SIPA1L2: variants seen among roughly 807,000 people sequenced by gnomAD.
SIPA1L2 encodes the protein signal-induced proliferation-associated 1-like protein 2.
Under a neutral mutation model 163.9 loss-of-function variants are expected in SIPA1L2, and 56 were observed. The observed-to-expected ratio is 0.34, with a 90% CI of 0.28 to 0.43. The LOEUF is 0.43. Among genes scored for constraint, SIPA1L2 ranks in the 20% least tolerant of loss-of-function variants. SIPA1L2 has a pLI of 1.00. For synonymous variants in SIPA1L2, 877 were observed against 865.7 expected (o/e 1.01, Z -0.23); for missense variants, 1,974 against 2,193.5 (o/e 0.90, Z 2.00).
intron 19 of SIPA1L2, among the ~76,000 whole-genome samples, chr1:232,412,956 A>G (rs1388416075): frequency 2.0e-5 from 3 of 152,186 alleles, no homozygotes; most frequent in Non-Finnish European, 4.4e-5. Context: ...GGCAAATAGA[A>G]TATTACATTA....
intron 22 of SIPA1L2, among the ~76,000 whole-genome samples, chr1:232,402,078 T>C (rs1184607681): frequency 2.0e-5 from 3 of 152,046 alleles, no homozygotes; most frequent in African/African-American, 7.3e-5. Context: ...TCATACAGAG[T>C]TGGCGCAACT....
intron 3 of SIPA1L2, among the ~76,000 whole-genome samples, chr1:232,512,219 A>T (rs1202714715): frequency 6.6e-6 from 1 of 152,236 alleles, no homozygotes; most frequent in Non-Finnish European, 1.5e-5. Context: ...GTCAGGAAAC[A>T]ACAGATGCTG....
intron 2 of SIPA1L2, among the ~76,000 whole-genome samples, chr1:232,564,221 G>GTT (rs796828484): frequency 1.8e-4 from 10 of 56,882 alleles, no homozygotes; most frequent in Non-Finnish European, 1.9e-4. Flanking sequence ...AACGACAAAG[G>GTT]TTTTTTTTTT....
rs974952110 is a variant in SIPA1L2, at chr1:232,404,184, A to G, written c.4763-6T>C. 3 of 1,614,018 alleles carry G rather than the reference A, an allele frequency of 1.9e-6. No homozygotes were observed. Among genetic ancestry groups the G allele is most frequent in the Non-Finnish European group, 1.7e-6 (2 of 1,179,912 alleles). On this transcript the variant is annotated splice_region_variant and splice_polypyrimidine_tract_variant and intron_variant, in intron 19 of 22. Coordinates refer to ENST00000674635, the MANE Select transcript of SIPA1L2 (RefSeq NM_020808.5). ...TTCTTCATCTGAGTCAAGACCTGAA[A>G]TAAGATTTAGAATTTTCCTATGAAC...
chr1:232,575,109 G>C (rs1660009230), intron 1 of SIPA1L2, among the ~76,000 whole-genome samples: 2 of 152,130 alleles, frequency 1.3e-5, no homozygotes, highest in Admixed American at 6.5e-5. Flanking sequence ...AAGCGCCCTA[G>C]GGCTCACACT....
intron 18 of SIPA1L2, among the ~76,000 whole-genome samples, chr1:232,418,271 C>T (rs1420513066): frequency 2.0e-5 from 3 of 152,166 alleles, no homozygotes; most frequent in Non-Finnish European, 4.4e-5. Flanking sequence ...GAGGGGATGG[C>T]GGCCAGTGCC....
intron 2 of SIPA1L2, among the ~76,000 whole-genome samples, chr1:232,559,745 T>A (rs1274317589): frequency 6.6e-6 from 1 of 152,186 alleles, no homozygotes; most frequent in African/African-American, 2.4e-5. Flanking sequence ...TGTAATATAT[T>A]ACTTTTAATA....
intron 10 of SIPA1L2, among the ~76,000 whole-genome samples, chr1:232,452,111 G>A (rs1195838655): frequency 6.6e-6 from 1 of 151,450 alleles, no homozygotes; most frequent in Non-Finnish European, 1.5e-5. Flanking sequence ...TCTAAAAACA[G>A]TATTACTTGT....
chr1:232,403,344 G>A, intron 21 of SIPA1L2, 104 bp downstream of exon 21: 2 of 1,419,852 alleles, frequency 1.4e-6, no homozygotes, highest in Non-Finnish European at 1.9e-6. Context: ...AAAGGGCATG[G>A]TGCAATATGG....
chr1:232,536,486 C>T (rs1003189138), intron 2 of SIPA1L2, among the ~76,000 whole-genome samples: 1 of 152,194 alleles, frequency 6.6e-6, no homozygotes, highest in African/African-American at 2.4e-5. Flanking sequence ...ACTTTCTTCT[C>T]ACCCTGTTTC....
chr1:232,623,482 C>T (rs1281060504), intron 1 of SIPA1L2, among the ~76,000 whole-genome samples: 2 of 152,138 alleles, frequency 1.3e-5, no homozygotes, highest in African/African-American at 2.4e-5. Flanking sequence ...GTGGCAGGCA[C>T]CTGTAGTCCC....
chr1:232,491,055 G>A lies in SIPA1L2; in HGVS notation c.1625C>T (p.Thr542Ile), dbSNP rs761329747. The change falls in exon 5 of 23, where the codon ACA becomes ATA. Residue 542 changes from threonine (T) to isoleucine (I), a missense_variant. By Grantham distance (89) the Thr-to-Ile change is moderately conservative. Coordinates refer to ENST00000674635, the MANE Select transcript of SIPA1L2 (RefSeq NM_020808.5). ...RVAFRTSELTTLRGAILEDAI... is the reference protein window; with the variant it reads ...RVAFRTSELTILRGAILEDAI... ...ATCTTCTAAAATTGCTCCTCTCAGT[G>A]TTGTAAGCTGCAGTGACAAAACATA... 6.2e-7 allele frequency: 1 copy of A among 1,612,748 alleles called. No individual in the cohort carries two copies. Among genetic ancestry groups the A allele is most frequent in the Admixed American group, 1.7e-5 (1 of 59,776 alleles).
chr1:232,439,417 T>C lies in SIPA1L2; in HGVS notation c.3722A>G (p.His1241Arg). The change falls in exon 15 of 23, where the codon CAC (histidine) becomes CGC (arginine). Residue 1241 changes from histidine to arginine, a missense_variant. Around this residue, in one of 3 missense-constraint regions of SIPA1L2, gnomAD observed 1,079 missense variants for 1,150.7 expected, o/e 0.94. Coordinates refer to ENST00000674635, the MANE Select transcript of SIPA1L2 (RefSeq NM_020808.5). The part of the protein sequence containing the change: ...SNTSSNSDDK[H>R]FGSGDLMDPE... The stretch of plus-strand genomic sequence containing the variant: ...GTCCATCAGGTCGCCAGACCCAAAG[T>C]GCTTGTCGTCACTGTTGCTGGAGGT... 1.2e-6 allele frequency: 2 copies of C among 1,614,174 alleles called. No homozygotes were observed. The highest frequency in any genetic ancestry group is 1.7e-6 in the Non-Finnish European group (2 of 1,180,032).
rs376260317 is a variant in SIPA1L2, at chr1:232,465,068, G to A, written c.2592C>T (p.Phe864=). 17 of 1,614,004 alleles carry A rather than the reference G, an allele frequency of 1.1e-5. No individual in the cohort carries two copies. The highest frequency in any genetic ancestry group is 6.6e-5 in the South Asian group (6 of 91,064). ...AIMWHVIARD[F]GQSADIECLL... The stretch of plus-strand genomic sequence containing the variant: ...GACATTCAATGTCAGCAGACTGGCC[G>A]AAGTCCCGGGCTATCACGTGCCACA... The change falls in exon 9 of 23, where the codon TTC becomes TTT. Residue 864 remains phenylalanine, a synonymous_variant. Transcript: ENST00000674635. The surrounding 1 kb of genome is among the most constrained non-coding windows in gnomAD (Gnocchi z 4.1).
chr1:232,460,816 A>G, intron 10 of SIPA1L2, 71 bp downstream of exon 10: 1 of 1,540,586 alleles, frequency 6.5e-7, no homozygotes, highest in Middle Eastern at 1.9e-4. Context: ...ACCTTGCAGG[A>G]GCACTGAGGA....
In SIPA1L2 at chr1:232,491,819, C is replaced by T. The variant is rs553838327; in HGVS notation, c.1618-757G>A. On this transcript the variant is annotated intron_variant, in intron 4 of 22. Transcript: ENST00000674635. ...TGATGGCAGTCATAAGGATACCTAA[C>T]GTTTGCATAATGTTCCATAACACTG... Among the ~76,000 whole-genome samples, 18 of 152,266 alleles carry T rather than the reference C, an allele frequency of 1.2e-4. No individual in the cohort carries two copies. The South Asian group carries it at 1.9e-3, about 16-fold the overall frequency.
rs770910952 is a variant in SIPA1L2, at chr1:232,443,639, C to T, written c.3400G>A (p.Gly1134Arg). 2.2e-5 allele frequency: 35 copies of T among 1,609,412 alleles called. No homozygotes were observed. Among genetic ancestry groups the T allele is most frequent in the Non-Finnish European group, 2.3e-5 (27 of 1,177,974 alleles). Reference protein sequence around the residue: ...QSSSSDPGPGGSGPWRPQVGY... With the variant: ...QSSSSDPGPGRSGPWRPQVGY... ...ACTTGTGGTCTCCAGGGTCCGCTCC[C>T]GCCGGGTCCAGGGTCGCTGGAGGAT... Residue 1134 changes from glycine to arginine, a missense_variant, in exon 12 of 23, where the codon GGG becomes AGG. Physicochemically the swap from Gly to Arg is moderately radical, Grantham distance 125. Coordinates refer to ENST00000674635, the MANE Select transcript of SIPA1L2 (RefSeq NM_020808.5).
intron 1 of SIPA1L2, among the ~76,000 whole-genome samples, chr1:232,585,271 T>G (rs988344339): frequency 6.6e-5 from 10 of 152,208 alleles, no homozygotes; most frequent in Admixed American, 5.2e-4. Context: ...AAGATGACAG[T>G]TCTATAAACA....
At chr1:232,441,914 C>A in intron 12 of SIPA1L2, 46 bp from the exon 13 acceptor site, 1 of 1,530,846 alleles carries the variant, frequency 6.5e-7, no homozygotes, top group Non-Finnish European at 9.0e-7. Context: ...AACCGTGCCA[C>A]CTGCCAGCAT....
Sources: allele counts gnomAD v4.1 joint callset (sites outside exome capture counted in the v4.1 genomes callset), GRCh38; gene constraint gnomAD v4.1.1; regional missense constraint gnomAD v4.1.1; non-coding constraint Gnocchi (gnomAD v3.1); transcripts MANE v1.5; gene names NCBI Gene and HGNC (gene_info 2026-07-23, HGNC 2026-07-21).